Variants in NEIL1 observed in about 807,000 individuals in gnomAD.
NEIL1 encodes the protein endonuclease 8-like 1.
In NEIL1, 31 loss-of-function variants were observed where a neutral mutation model predicts 44.2. The observed-to-expected ratio is 0.70, with a 90% CI of 0.53 to 0.95. NEIL1 has a LOEUF of 0.95. Ranked by LOEUF, NEIL1 falls within the 40% of genes least tolerant of loss-of-function variation. The pLI is 0.00. For synonymous variants in NEIL1, 254 were observed against 209.7 expected, an observed-to-expected ratio of 1.21 and a Z score of -1.83; for missense variants, 549 against 515.5, an observed-to-expected ratio of 1.07 and a Z score of -0.63.
At chr15:75,353,986 G>C (rs2072141365) in intron 6 of NEIL1, 120 bp downstream of exon 6, 1 of 1,345,876 alleles carries the variant, frequency 7.4e-7, no homozygotes, top group Non-Finnish European at 1.0e-6. Flanking sequence ...GGACCACACT[G>C]TTCCTGAGGG....
chr15:75,352,577 G>C, intron 4 of NEIL1, 25 bp from the exon 5 acceptor site: 1 of 1,605,828 alleles, frequency 6.2e-7, no homozygotes, highest in Non-Finnish European at 8.5e-7. Flanking sequence ...CTGACAGACA[G>C]GTCCTGCCCC....
chr15:75,348,677 T>C, intron 1 of NEIL1: 1 of 1,426,496 alleles, frequency 7.0e-7, no homozygotes, highest in Non-Finnish European at 9.1e-7. Flanking sequence ...CTGCTCCCTC[T>C]GCAGCCCCAG....
chr15:75,352,067 G>A, intron 2 of NEIL1, 44 bp from the exon 3 acceptor site: 1 of 1,597,260 alleles, frequency 6.3e-7, no homozygotes, highest in Non-Finnish European at 8.6e-7. Flanking sequence ...CCATCCCATG[G>A]AGGGTGGGGA....
Position 75,357,032 on chromosome 15 carries a change from C to CG in NEIL1, c.*2002dup. 2.8e-6 allele frequency: 2 copies of CG among 719,630 alleles called. No homozygotes were observed. Among genetic ancestry groups the CG allele is most frequent in the South Asian group, 1.8e-5 (1 of 55,360 alleles). The allele number at this position is 719,630 out of a possible 1,614,324, so 44.6% of individuals were successfully genotyped here. On this transcript the variant is annotated 3_prime_UTR_variant, in exon 10 of 10. Coordinates refer to ENST00000355059, the MANE Select transcript of NEIL1 (RefSeq NM_024608.4). Reference sequence around the variant, plus strand: ...CAACTGAACTCCAGCTCCCACTGTACGGGGCCCTGGGCATGCCACCCAACC... The same window carrying CG: ...CAACTGAACTCCAGCTCCCACTGTACGGGGGCCCTGGGCATGCCACCCAACC...
At chr15:75,351,506 A>G (rs2071890002) in intron 2 of NEIL1, 1 of 320,248 alleles carries the variant, frequency 3.1e-6, no homozygotes, top group African/African-American at 2.2e-5. Context: ...CCTGGGCTGA[A>G]GTGATCCTCC....
In NEIL1 at chr15:75,349,321, A is replaced by T. The variant is rs1207514061; in HGVS notation, c.416A>T (p.Gln139Leu). Residue 139 changes from glutamine (Q) to leucine (L), a missense_variant, in exon 2 of 10, where the codon CAG (glutamine) becomes CTG (leucine). Gln to Leu is a moderately radical substitution (Grantham distance 113). Transcript: ENST00000355059. ...WQPGRGPCVL[Q>L]EYQQFRENVL... ...CCGGGCCGCGGGCCCTGTGTCTTGCAGGAGTACCAGCAGTTCAGGTAGGGC... is the reference window on the plus strand; with the variant it reads ...CCGGGCCGCGGGCCCTGTGTCTTGCTGGAGTACCAGCAGTTCAGGTAGGGC... 3.7e-6 allele frequency: 6 copies of T among 1,607,932 alleles called. No homozygotes were observed. Among genetic ancestry groups the T allele is most frequent in the Non-Finnish European group, 5.1e-6 (6 of 1,177,368 alleles).
chr15:75,349,167 G>GTGCCCCGCGAGGAGC lies in NEIL1; in HGVS notation c.267_281dup (p.Glu91_Arg95dup). 2 of 1,609,302 alleles carry GTGCCCCGCGAGGAGC rather than the reference G, an allele frequency of 1.2e-6. No individual in the cohort carries two copies. Among genetic ancestry groups the GTGCCCCGCGAGGAGC allele is most frequent in the East Asian group, 2.2e-5 (1 of 44,876 alleles). The stretch of plus-strand genomic sequence containing the variant: ...CGGCATGTCCGGCTCTTTTCAGCTG[G>GTGCCCCGCGAGGAGC]TGCCCCGCGAGGAGCTGCCACGCCA... On this transcript the variant is annotated inframe_insertion, in exon 2 of 10. Coordinates refer to ENST00000355059, the MANE Select transcript of NEIL1 (RefSeq NM_024608.4).
chr15:75,349,951 C>T (rs554736943), intron 2 of NEIL1, among the ~76,000 whole-genome samples: 183 of 152,362 alleles, frequency 1.2e-3, no homozygotes, highest in African/African-American at 4.2e-3. Flanking sequence ...CACACCACCT[C>T]TCAGGGCTCC....
At chr15:75,349,948 C>A (rs1303187737) in intron 2 of NEIL1, among the ~76,000 whole-genome samples, 1 of 152,232 alleles carries the variant, frequency 6.6e-6, no homozygotes, top group Non-Finnish European at 1.5e-5. Flanking sequence ...TCCCACACCA[C>A]CTCTCAGGGC....
In NEIL1 at chr15:75,352,324, G is replaced by C. The variant is rs773596500; in HGVS notation, c.555G>C (p.Arg185=). The change falls in exon 4 of 10, where the codon CGG becomes CGC. Residue 185 remains arginine, a splice_region_variant and synonymous_variant. Coordinates refer to ENST00000355059, the MANE Select transcript of NEIL1 (RefSeq NM_024608.4). ...GNYLRAEILY[R]LKIPPFEKAR... is the part of the protein sequence containing the mutation. ...ATGGCTTGCCTTGCCCCCACTACAG[G>C]CTGAAGATCCCCCCCTTTGAGAAGG... The C allele has an allele frequency of 6.2e-7, 1 of 1,614,168 alleles. No individual in the cohort carries two copies. The highest frequency in any genetic ancestry group is 2.2e-5 in the East Asian group (1 of 44,894).
chr15:75,354,735 C>G lies in NEIL1; in HGVS notation c.1019C>G (p.Pro340Arg). Residue 340 changes from proline to arginine, a missense_variant, in exon 9 of 10, where the codon CCT becomes CGT. Pro to Arg is a moderately radical substitution (Grantham distance 103). Coordinates refer to ENST00000355059, the MANE Select transcript of NEIL1 (RefSeq NM_024608.4). ...CCTAAGAGGACTGCAACCCAGCGGC[C>G]TGAGGGGACCAGCCTCCAGCAGGAC... ...DLPKRTATQRPEGTSLQQDPE... is the reference protein window; with the variant it reads ...DLPKRTATQRREGTSLQQDPE... 1 of 1,614,164 alleles carries G rather than the reference C, an allele frequency of 6.2e-7. No individual in the cohort carries two copies. Among genetic ancestry groups the G allele is most frequent in the Non-Finnish European group, 8.5e-7 (1 of 1,180,048 alleles).
In NEIL1 at chr15:75,348,319, G is replaced by A. The variant is rs946931965; in HGVS notation, c.-22-565G>A. The A allele has an allele frequency of 2.0e-4, 194 of 986,006 alleles. 1 individual carries two copies. In the South Asian group the frequency reaches 6.6e-3, roughly 34 times the overall value. 61.1% of individuals were successfully genotyped at this position (986,006 alleles called of 1,614,324 possible). ...GCTCCCCCGCGCCAGGCCGAGCTTC[G>A]CTCTTTCCCTCGGTGGTGAGCGGCC... On this transcript the variant is annotated intron_variant, in intron 1 of 9. Transcript: ENST00000355059.
In NEIL1 at chr15:75,352,882, G is replaced by A. The variant is rs796470908; in HGVS notation, c.718+181G>A. On this transcript the variant is annotated intron_variant, in intron 5 of 9. Transcript: ENST00000355059. ...AGGCTGGGCGCAGTGGCTCATGCCT[G>A]TAATCCCAGCACTTCGGGAGGCCGA... The A allele has an allele frequency of 2.2e-5, 13 of 590,744 alleles. No individual in the cohort carries two copies. The African/African-American group carries it at 2.2e-4, about 10-fold the overall frequency. The allele number at this position is 590,744 out of a possible 1,614,324, so 36.6% of individuals were successfully genotyped here.
At chr15:75,349,491 GCTCC>G in intron 2 of NEIL1, 152 bp downstream of exon 2, 3 of 750,308 alleles carry the variant, frequency 4.0e-6, no homozygotes, top group Non-Finnish European at 6.3e-6. Context: ...TCCTGGGTCA[GCTCC>G]CTGAGCCAGT....
At position 75,356,827 on chromosome 15, in the gene NEIL1, C is replaced by T. The variant is rs138605574; in HGVS notation, c.*1793C>T. The T allele has an allele frequency of 3.5e-5, 56 of 1,613,966 alleles. No homozygotes were observed. Among genetic ancestry groups the T allele is most frequent in the South Asian group, 3.0e-4 (27 of 91,094 alleles). Reference sequence around the variant, plus strand: ...CTGAGGATGCTGCCTCGCACTGACGCGCCATACTTGCAGTCGTTGAGCAGG... The same window carrying T: ...CTGAGGATGCTGCCTCGCACTGACGTGCCATACTTGCAGTCGTTGAGCAGG... On this transcript the variant is annotated 3_prime_UTR_variant, in exon 10 of 10. Coordinates refer to ENST00000355059, the MANE Select transcript of NEIL1 (RefSeq NM_024608.4). The surrounding 1 kb of genome is among the most constrained non-coding windows in gnomAD (Gnocchi z 5.8).
Position 75,356,143 on chromosome 15 carries a change from A to C in NEIL1, c.*1109A>C. 1.2e-6 allele frequency: 2 copies of C among 1,613,760 alleles called. No individual in the cohort carries two copies. Among genetic ancestry groups the C allele is most frequent in the Non-Finnish European group, 1.7e-6 (2 of 1,180,000 alleles). ...CTCCTGAACCGGCAGCGACAAGTGC[A>C]GCCAGCAGTCCACGTGGCTGCCGTG... On this transcript the variant is annotated 3_prime_UTR_variant, in exon 10 of 10. Transcript: ENST00000355059. This position sits in a 1 kb window ranked among gnomAD's most constrained non-coding sequence, Gnocchi z 5.8.
Position 75,355,040 on chromosome 15 carries a change from G to A in NEIL1, c.*6G>A, listed in dbSNP as rs1386542094. On this transcript the variant is annotated 3_prime_UTR_variant, in exon 10 of 10. Coordinates refer to ENST00000355059, the MANE Select transcript of NEIL1 (RefSeq NM_024608.4). ...AGGGGACCTCAGCCTCTTAGCAGGA[G>A]GCTCTCCTTGCTTGCACTCACCCTT... 1 of 1,612,800 alleles carries A rather than the reference G, an allele frequency of 6.2e-7. No individual in the cohort carries two copies. Among genetic ancestry groups the A allele is most frequent in the Non-Finnish European group, 8.5e-7 (1 of 1,179,408 alleles).
intron 2 of NEIL1, 99 bp downstream of exon 2, chr15:75,349,438 T>G (rs1299386305): frequency 1.7e-6 from 2 of 1,163,586 alleles, no homozygotes; most frequent in Admixed American, 2.5e-5. Flanking sequence ...CTGCCCCTTC[T>G]GGGCCTCAGT....
chr15:75,352,699 T>G lies in NEIL1; in HGVS notation c.716T>G (p.Leu239Trp), dbSNP rs1595863319. The G allele has an allele frequency of 3.1e-6, 5 of 1,609,592 alleles. No individual in the cohort carries two copies. Among genetic ancestry groups the G allele is most frequent in the Non-Finnish European group, 4.2e-6 (5 of 1,177,844 alleles). ...CHSVPKEVVQ[L>W]GGKGYGSESG... is the part of the protein sequence containing the mutation. ...TCAGTGCCCAAGGAAGTGGTCCAGT[T>G]GGGTGAGGCCAAAGATGGCAGCAAC... The change falls in exon 5 of 10, where the codon TTG (leucine) becomes TGG (tryptophan). Residue 239 changes from leucine (L) to tryptophan (W), a missense_variant and splice_region_variant. Transcript: ENST00000355059.
Sources: gnomAD v4.1 joint callset for allele counts (sites outside exome capture counted in the v4.1 genomes callset) on GRCh38, gnomAD v4.1.1 for gene constraint, Gnocchi (gnomAD v3.1) non-coding constraint, MANE v1.5 for transcripts, NCBI Gene and HGNC (gene_info 2026-07-23, HGNC 2026-07-21) for gene names.